The following TMEM135 variants were observed in gnomAD, a reference collection of about 807,000 sequenced individuals.
TMEM135 encodes peroxisomal membrane protein 52.
A neutral mutation model predicts 60.3 loss-of-function variants in TMEM135; 30 were observed. The observed-to-expected ratio is 0.50, with a 90% CI of 0.37 to 0.68. The LOEUF (loss-of-function observed/expected upper bound fraction) is 0.68. TMEM135 is among the 30% of genes least tolerant of loss of function. The pLI is 0.00. For missense variants in TMEM135, 468 were observed against 548.8 expected (o/e 0.85, Z 1.47); for synonymous variants, 190 against 186.7 (o/e 1.02, Z -0.14).
chr11:87,323,752 A>C lies in TMEM135; in HGVS notation c.*2419A>C, dbSNP rs545886033. ...GCAACCGAGTAAAGATTGAGTTTGCAAGATAACAGATTGTCTCAAATCTAT... is the reference window on the plus strand; with the variant it reads ...GCAACCGAGTAAAGATTGAGTTTGCCAGATAACAGATTGTCTCAAATCTAT... On this transcript the variant is annotated 3_prime_UTR_variant, in exon 15 of 15. Transcript: ENST00000305494. 9 of 453,854 alleles carry C rather than the reference A, an allele frequency of 2.0e-5. No homozygotes were observed. Among genetic ancestry groups the C allele is most frequent in the South Asian group, 1.4e-4 (9 of 64,356 alleles). 28.1% of individuals were successfully genotyped at this position (453,854 alleles called of 1,614,324 possible).
intron 5 of TMEM135, among the ~76,000 whole-genome samples, chr11:87,207,278 A>G (rs1261050640): frequency 6.6e-6 from 1 of 152,154 alleles, no homozygotes; most frequent in Non-Finnish European, 1.5e-5. Flanking sequence ...CTTTCCTTAC[A>G]AAGTTTTCCT....
chr11:87,304,854 CAAAG>C (rs1469520657), intron 8 of TMEM135, among the ~76,000 whole-genome samples: 3 of 152,136 alleles, frequency 2.0e-5, no homozygotes, highest in Non-Finnish European at 4.4e-5. Context: ...CATGAACCCT[CAAAG>C]AGAGAGAGAG....
At chr11:87,170,549 G>A (rs190959849) in intron 5 of TMEM135, among the ~76,000 whole-genome samples, 4 of 152,232 alleles carry the variant, frequency 2.6e-5, no homozygotes, top group East Asian at 3.9e-4. Flanking sequence ...AGGCCCCTAT[G>A]CTGCAGGTCT....
chr11:87,143,862 G>A (rs1002141635), intron 4 of TMEM135, among the ~76,000 whole-genome samples: 2 of 152,108 alleles, frequency 1.3e-5, no homozygotes, highest in Non-Finnish European at 1.5e-5. Flanking sequence ...TGTCAGAACC[G>A]CTGGGGAGTT....
intron 4 of TMEM135, among the ~76,000 whole-genome samples, chr11:87,091,807 A>G (rs1591012012): frequency 6.6e-6 from 1 of 152,260 alleles, no homozygotes; most frequent in South Asian, 2.1e-4. Context: ...TATAAAAACA[A>G]CATTGGTACT....
intron 1 of TMEM135, among the ~76,000 whole-genome samples, chr11:87,055,098 C>T (rs1360597208): frequency 6.6e-6 from 1 of 152,056 alleles, no homozygotes; most frequent in Non-Finnish European, 1.5e-5. Flanking sequence ...ATTAAGAAGA[C>T]GTTCAGAATG....
chr11:87,326,684 C>T lies in TMEM135; in HGVS notation c.*5351C>T. 1 of 453,038 alleles carries T rather than the reference C, an allele frequency of 2.2e-6. No individual in the cohort carries two copies. Among genetic ancestry groups the T allele is most frequent in the Non-Finnish European group, 4.4e-6 (1 of 226,546 alleles). 28.1% of individuals were successfully genotyped at this position (453,038 alleles called of 1,614,324 possible). On this transcript the variant is annotated 3_prime_UTR_variant, in exon 15 of 15. Coordinates refer to ENST00000305494, the MANE Select transcript of TMEM135 (RefSeq NM_022918.4). The stretch of plus-strand genomic sequence containing the variant: ...GCTATGTATTTCTTCATCTTGAGCT[C>T]TCAAGGGAAAAAACAGGAGTCCTTA...
chr11:87,291,532 T>TTTTTTTTTTTG (rs1942262434), intron 6 of TMEM135, among the ~76,000 whole-genome samples: 1 of 122,470 alleles, frequency 8.2e-6, no homozygotes, highest in Non-Finnish European at 1.7e-5. Flanking sequence ...TTTTTTTTTT[T>TTTTTTTTTTTG]TTTTTTTTTT....
chr11:87,294,895 A>G (rs935018605), intron 6 of TMEM135, among the ~76,000 whole-genome samples: 3 of 152,166 alleles, frequency 2.0e-5, no homozygotes, highest in Non-Finnish European at 4.4e-5. Flanking sequence ...AAATCTGAGA[A>G]TCTTTTTTTC....
chr11:87,135,848 A>G (rs1248539267), intron 4 of TMEM135, among the ~76,000 whole-genome samples: 1 of 152,086 alleles, frequency 6.6e-6, no homozygotes, highest in Non-Finnish European at 1.5e-5. Context: ...TCTTGACAAT[A>G]TTGAGTATTT....
At chr11:87,086,204 C>T (rs1379032532) in intron 3 of TMEM135, among the ~76,000 whole-genome samples, 7 of 152,008 alleles carry the variant, frequency 4.6e-5, no homozygotes, top group African/African-American at 1.7e-4. Context: ...TCTAGTAATT[C>T]CATAATCATT....
At chr11:87,318,347 T>G (rs1220099133) in intron 13 of TMEM135, 112 bp downstream of exon 13, 1 of 829,870 alleles carries the variant, frequency 1.2e-6, no homozygotes, top group Non-Finnish European at 1.9e-6. Flanking sequence ...GTATTACATT[T>G]TAAGCTTCTT....
chr11:87,091,646 G>C (rs2512385), intron 4 of TMEM135, among the ~76,000 whole-genome samples: 1 of 151,212 alleles, frequency 6.6e-6, no homozygotes, highest in African/African-American at 2.4e-5. Flanking sequence ...TTAAGTTTAC[G>C]TCTTCATCTC....
rs182484210 is a variant in TMEM135, at chr11:87,209,324, A to C, written c.463-27314A>C. On this transcript the variant is annotated intron_variant, in intron 5 of 14. Transcript: ENST00000305494. The stretch of plus-strand genomic sequence containing the variant: ...AGAGACCCATATCACAAGTAATGAC[A>C]GCCATAGGCACAAAATAAAGAGATG... 6.6e-5 allele frequency among the ~76,000 whole-genome samples: 10 copies of C among 152,354 alleles called. No individual in the cohort carries two copies. The East Asian group carries it at 1.9e-3, about 29-fold the overall frequency.
chr11:87,097,782 C>G (rs1344670733), intron 4 of TMEM135, among the ~76,000 whole-genome samples: 1 of 152,224 alleles, frequency 6.6e-6, no homozygotes, highest in African/African-American at 2.4e-5. Flanking sequence ...CGCTAGATAT[C>G]TGCATGGCTT....
intron 6 of TMEM135, among the ~76,000 whole-genome samples, chr11:87,275,794 G>A (rs943726979): frequency 7.9e-5 from 12 of 151,952 alleles, no homozygotes; most frequent in Admixed American, 5.9e-4. Flanking sequence ...TCAGTAGCTG[G>A]GATTACAGGC....
In TMEM135 at chr11:87,195,377, CCT is replaced by C. The variant is rs1565482166; in HGVS notation, c.462+37972_462+37973del. On this transcript the variant is annotated intron_variant, in intron 5 of 14. Coordinates refer to ENST00000305494, the MANE Select transcript of TMEM135 (RefSeq NM_022918.4). The stretch of plus-strand genomic sequence containing the variant: ...TCCTTCCTTCCTTCCTTCCTTCCTT[CCT>C]TCCTTCCTTCCTTCTCTCTCTCTCT... 1.1e-3 allele frequency among the ~76,000 whole-genome samples: 150 copies of C among 131,682 alleles called. 4 individuals are homozygous for C. Among genetic ancestry groups the C allele is most frequent in the African/African-American group, 1.5e-3 (54 of 35,086 alleles). The allele number at this position is 131,682 out of a possible 152,430, so 86.4% of individuals were successfully genotyped here.
chr11:87,317,995 A>G (rs1942760570), intron 12 of TMEM135, 142 bp from the exon 13 acceptor site: 1 of 685,454 alleles, frequency 1.5e-6, no homozygotes, highest in Non-Finnish European at 2.6e-6. Flanking sequence ...CCTTAACATC[A>G]TTATGAAAAA....
At chr11:87,227,404 T>C (rs1940788018) in intron 5 of TMEM135, among the ~76,000 whole-genome samples, 1 of 152,074 alleles carries the variant, frequency 6.6e-6, no homozygotes. Flanking sequence ...AGTCTTAACC[T>C]GGAGACCCAG....
Sources: gnomAD v4.1 joint callset for allele counts (sites outside exome capture counted in the v4.1 genomes callset) on GRCh38, gnomAD v4.1.1 for gene constraint, MANE v1.5 for transcripts, NCBI Gene and HGNC (gene_info 2026-07-23, HGNC 2026-07-21) for gene names.